CCDC88C: variants seen among roughly 807,000 people sequenced by gnomAD.
CCDC88C encodes coiled-coil and HOOK domain protein 88C.
Under a neutral mutation model 198.8 loss-of-function variants are expected in CCDC88C, and 131 were observed. That is an observed-to-expected ratio of 0.66 (90% CI 0.57 to 0.76). CCDC88C has a LOEUF of 0.76. Among genes scored for constraint, CCDC88C ranks in the 30% least tolerant of loss-of-function variants. The probability of loss-of-function intolerance (pLI) is 0.00; values close to 1 mark genes in which losing one functional copy is unlikely to be tolerated. For synonymous variants in CCDC88C, 1,166 were observed against 1,114.7 expected (o/e 1.05, Z -0.92); for missense variants, 2,553 against 2,631.6 (o/e 0.97, Z 0.65).
Position 91,273,795 on chromosome 14 carries a change from G to A in CCDC88C, c.5059-142C>T, listed in dbSNP as rs551561240. 2.2e-5 allele frequency: 14 copies of A among 624,128 alleles called. No individual in the cohort carries two copies. In the East Asian group the frequency reaches 2.4e-4, roughly 11 times the overall value. 38.7% of individuals were successfully genotyped at this position (624,128 alleles called of 1,614,324 possible). ...CTGCCTTCTCCGAGGCACATGTGCCGCCTCCACCACACACACCAGCCCTGG... is the reference window on the plus strand; with the variant it reads ...CTGCCTTCTCCGAGGCACATGTGCCACCTCCACCACACACACCAGCCCTGG... On this transcript the variant is annotated intron_variant, in intron 29 of 29. Transcript: ENST00000389857. This position sits in a 1 kb window ranked among gnomAD's most constrained non-coding sequence, Gnocchi z 5.6.
intron 3 of CCDC88C, among the ~76,000 whole-genome samples, chr14:91,392,764 CGCGCCCCTCACTCTCACT>C (rs1348743372): frequency 6.7e-6 from 1 of 148,970 alleles, no homozygotes; most frequent in Non-Finnish European, 1.5e-5. Flanking sequence ...TCACTCTCAC[CGCGCCCCTCACTCTCACT>C]GCACCCCTCA....
chr14:91,341,443 T>TGAAGCC (rs1398132653), intron 6 of CCDC88C, among the ~76,000 whole-genome samples: 1 of 152,202 alleles, frequency 6.6e-6, no homozygotes, highest in African/African-American at 2.4e-5. Context: ...CAGGGAATTC[T>TGAAGCC]GAAGCCCAGG....
Position 91,338,254 on chromosome 14 carries a change from G to T in CCDC88C, c.892-91C>A. ...TTGCCCTTCTGCATGGTGTCTCCACGACGGCCCAGGACAAGCCAGCTCCTG... is the reference window on the plus strand; with the variant it reads ...TTGCCCTTCTGCATGGTGTCTCCACTACGGCCCAGGACAAGCCAGCTCCTG... On this transcript the variant is annotated intron_variant, in intron 9 of 29. Coordinates refer to ENST00000389857, the MANE Select transcript of CCDC88C (RefSeq NM_001080414.4). The surrounding 1 kb of genome is among the most constrained non-coding windows in gnomAD (Gnocchi z 4.8). 1 of 1,471,848 alleles carries T rather than the reference G, an allele frequency of 6.8e-7. No homozygotes were observed. The highest frequency in any genetic ancestry group is 2.3e-5 in the East Asian group (1 of 43,120). The allele number at this position is 1,471,848 out of a possible 1,614,324, so 91.2% of individuals were successfully genotyped here.
At chr14:91,414,949 A>G (rs191974528) in intron 2 of CCDC88C, among the ~76,000 whole-genome samples, 1 of 152,334 alleles carries the variant, frequency 6.6e-6, no homozygotes, top group East Asian at 1.9e-4. Flanking sequence ...GAACGGTCCA[A>G]CAGGCTTTCC....
chr14:91,390,606 A>T (rs767419160), intron 3 of CCDC88C, among the ~76,000 whole-genome samples: 3 of 152,172 alleles, frequency 2.0e-5, no homozygotes, highest in Non-Finnish European at 4.4e-5. Flanking sequence ...CAGGAGGCAA[A>T]GTCCATGGCC....
In CCDC88C at chr14:91,313,281, C is replaced by A; in HGVS notation, c.2535G>T (p.Trp845Cys). Reference sequence around the variant, plus strand: ...CTGCATCCTTGAGCTCCACCTGCTGCCACAGCCGCTTGGCCTCCTTCTCCA... The same window carrying A: ...CTGCATCCTTGAGCTCCACCTGCTGACACAGCCGCTTGGCCTCCTTCTCCA... ...KLLEKEAKRL[W>C]QQVELKDAVL... Residue 845 changes from tryptophan to cysteine, a missense_variant, in exon 15 of 30, where the codon TGG (tryptophan) becomes TGT (cysteine). Trp to Cys is a radical substitution (Grantham distance 215). This residue lies in a region of CCDC88C where 1,260 missense variants were observed against 1,412.0 expected (regional missense o/e 0.89). Transcript: ENST00000389857. The surrounding 1 kb of genome is among the most constrained non-coding windows in gnomAD (Gnocchi z 5.2). 1.2e-6 allele frequency: 2 copies of A among 1,613,888 alleles called. No homozygotes were observed. The highest frequency in any genetic ancestry group is 2.2e-5 in the South Asian group (2 of 91,084).
chr14:91,381,412 G>A lies in CCDC88C; in HGVS notation c.271-21701C>T, dbSNP rs144759804. Among the ~76,000 whole-genome samples the A allele has an allele frequency of 3.0e-3, 455 of 152,296 alleles. 3 individuals carry two copies. The highest frequency in any genetic ancestry group is 4.8e-3 in the Non-Finnish European group (325 of 68,028). On this transcript the variant is annotated intron_variant, in intron 3 of 29. Transcript: ENST00000389857. This position sits in a 1 kb window ranked among gnomAD's most constrained non-coding sequence, Gnocchi z 4.2. Reference sequence around the variant, plus strand: ...TCTTCTCTATATTCTCTATGCCCACGAAAGTTGCATCCTCTTCCTGCTACT... The same window carrying A: ...TCTTCTCTATATTCTCTATGCCCACAAAAGTTGCATCCTCTTCCTGCTACT...
In CCDC88C at chr14:91,272,021, C is replaced by A. The variant is rs1307139748; in HGVS notation, c.*604G>T. 6.5e-6 allele frequency: 1 copy of A among 152,784 alleles called. No homozygotes were observed. The highest frequency in any genetic ancestry group is 2.4e-5 in the African/African-American group (1 of 41,464). The allele number at this position is 152,784 out of a possible 1,614,324, so 9.5% of individuals were successfully genotyped here. A position where few individuals can be genotyped will look rare whatever the true frequency, so the allele number is the denominator to read the frequency against. On this transcript the variant is annotated 3_prime_UTR_variant, in exon 30 of 30. Transcript: ENST00000389857. ...AAATGGCCAAGGCCACCGCCAGCTGCCCTGCAGGCTGCCCTGGGTCCTGGG... is the reference window on the plus strand; with the variant it reads ...AAATGGCCAAGGCCACCGCCAGCTGACCTGCAGGCTGCCCTGGGTCCTGGG...
At position 91,339,322 on chromosome 14, in the gene CCDC88C, C is replaced by T; in HGVS notation, c.765G>A (p.Glu255=). Residue 255 remains glutamate (E), a synonymous_variant, in exon 8 of 30, where the codon GAG becomes GAA. Coordinates refer to ENST00000389857, the MANE Select transcript of CCDC88C (RefSeq NM_001080414.4). This position sits in a 1 kb window ranked among gnomAD's most constrained non-coding sequence, Gnocchi z 5.8. The part of the protein sequence containing the change: ...SSEDKQHLAV[E]LADTKARLRR... Reference sequence around the variant, plus strand: ...GCAGCCTGGCCTTGGTGTCGGCCAGCTCTACGGCCAGGTGCTGCTTGTCTT... The same window carrying T: ...GCAGCCTGGCCTTGGTGTCGGCCAGTTCTACGGCCAGGTGCTGCTTGTCTT... 1.2e-6 allele frequency: 2 copies of T among 1,613,610 alleles called. No homozygotes were observed. The highest frequency in any genetic ancestry group is 1.7e-4 in the Middle Eastern group (1 of 5,762).
In CCDC88C at chr14:91,273,417, G is replaced by A. The variant is rs374241786; in HGVS notation, c.5295C>T (p.Ser1765=). The A allele has an allele frequency of 2.7e-5, 42 of 1,561,284 alleles. No individual in the cohort carries two copies. The African/African-American group carries it at 4.4e-4, about 16-fold the overall frequency. The change falls in exon 30 of 30, where the codon AGC becomes AGT. Residue 1765 remains serine, a synonymous_variant. Transcript: ENST00000389857. This position sits in a 1 kb window ranked among gnomAD's most constrained non-coding sequence, Gnocchi z 5.6. ...FRLTEAEAPP[S]VAPRQAQPPQ... is the part of the protein sequence containing the mutation. ...GAGGCTGGGCCTGTCTCGGGGCCAC[G>A]CTGGGTGGGGCCTCGGCCTCAGTCA... is the stretch of plus-strand genomic sequence containing the variant.
At position 91,272,543 on chromosome 14, in the gene CCDC88C, C is replaced by T. The variant is rs1024106826; in HGVS notation, c.*82G>A. Reference sequence around the variant, plus strand: ...CTCATTCCAAACCCTCTCCTGGCACCGCAGGCAAGCAAGAGAAAAGGCCGT... The same window carrying T: ...CTCATTCCAAACCCTCTCCTGGCACTGCAGGCAAGCAAGAGAAAAGGCCGT... On this transcript the variant is annotated 3_prime_UTR_variant, in exon 30 of 30. Coordinates refer to ENST00000389857, the MANE Select transcript of CCDC88C (RefSeq NM_001080414.4). 25 of 1,429,582 alleles carry T rather than the reference C, an allele frequency of 1.7e-5. No homozygotes were observed. Among genetic ancestry groups the T allele is most frequent in the African/African-American group, 8.5e-5 (6 of 70,584 alleles). The allele number at this position is 1,429,582 out of a possible 1,614,324, so 88.6% of individuals were successfully genotyped here.
chr14:91,272,670 G>A lies in CCDC88C; in HGVS notation c.6042C>T (p.Pro2014=), dbSNP rs562457801. The A allele has an allele frequency of 5.6e-6, 9 of 1,611,652 alleles. No homozygotes were observed. Among genetic ancestry groups the A allele is most frequent in the South Asian group, 5.5e-5 (5 of 91,038 alleles). Residue 2014 remains proline, a synonymous_variant, in exon 30 of 30, where the codon CCC becomes CCT. Coordinates refer to ENST00000389857, the MANE Select transcript of CCDC88C (RefSeq NM_001080414.4). ...VSKSSPASPE[P]GGDPQTVWYE... ...ACCACACGGTCTGCGGATCCCCGCC[G>A]GGCTCCGGGGAGGCCGGACTGCTCT...
chr14:91,342,478 A>G lies in CCDC88C; in HGVS notation c.400-15T>C, dbSNP rs376538263. ...TTCCTCTCACACTGCGGAGGGTTAC[A>G]TGTGTTAATGGAAGCGCTGTTCAAG... On this transcript the variant is annotated splice_polypyrimidine_tract_variant and intron_variant, in intron 5 of 29. Coordinates refer to ENST00000389857, the MANE Select transcript of CCDC88C (RefSeq NM_001080414.4). The G allele has an allele frequency of 9.8e-6, 15 of 1,524,798 alleles. No individual in the cohort carries two copies. The African/African-American group carries it at 1.5e-4, about 15-fold the overall frequency. 94.5% of individuals were successfully genotyped at this position (1,524,798 alleles called of 1,614,324 possible).
intron 14 of CCDC88C, among the ~76,000 whole-genome samples, chr14:91,314,886 C>T (rs1284103332): frequency 3.3e-5 from 5 of 152,290 alleles, no homozygotes; most frequent in Non-Finnish European, 5.9e-5. Context: ...CCTGTAATCC[C>T]AACACTTTGG....
chr14:91,394,044 G>C (rs1885689730), intron 3 of CCDC88C, among the ~76,000 whole-genome samples: 1 of 152,204 alleles, frequency 6.6e-6, no homozygotes, highest in Non-Finnish European at 1.5e-5. Flanking sequence ...GGCAGAAGGT[G>C]AGCCTGTCTG....
intron 2 of CCDC88C, among the ~76,000 whole-genome samples, chr14:91,412,445 T>C (rs1044263234): frequency 6.6e-6 from 1 of 151,886 alleles, no homozygotes; most frequent in African/African-American, 2.4e-5. Context: ...TTTTTCTTTT[T>C]TTTTTTTTGA....
At chr14:91,293,450 C>T (rs1392196699) in intron 23 of CCDC88C, among the ~76,000 whole-genome samples, 1 of 124,206 alleles carries the variant, frequency 8.1e-6, no homozygotes, top group Non-Finnish European at 1.7e-5. Context: ...TCACCTGCCA[C>T]GGTCCACCTT....
chr14:91,324,490 GT>G (rs1288939518), intron 12 of CCDC88C, among the ~76,000 whole-genome samples: 1 of 152,258 alleles, frequency 6.6e-6, no homozygotes, highest in African/African-American at 2.4e-5. Flanking sequence ...GAGCCTCTGG[GT>G]GTCAGTGCAC....
At chr14:91,375,815 G>T (rs956846156) in intron 3 of CCDC88C, among the ~76,000 whole-genome samples, 1 of 152,124 alleles carries the variant, frequency 6.6e-6, no homozygotes, top group Non-Finnish European at 1.5e-5. Context: ...CGAGTGGGGG[G>T]CAAATGTCTC....
Sources: allele counts gnomAD v4.1 joint callset (sites outside exome capture counted in the v4.1 genomes callset), GRCh38; gene constraint gnomAD v4.1.1; regional missense constraint gnomAD v4.1.1; non-coding constraint Gnocchi (gnomAD v3.1); transcripts MANE v1.5; gene names NCBI Gene and HGNC (gene_info 2026-07-23, HGNC 2026-07-21).